Variants in CNR1 observed in about 807,000 individuals in gnomAD.
CNR1 encodes cannabinoid receptor 1, also known as cannabinoid receptor 1 (brain).
CNR1 carries 10 observed loss-of-function variants against 23.0 expected under a neutral mutation model. The ratio of observed to expected loss-of-function variants is 0.43; its 90% CI spans 0.27 to 0.74. The LOEUF (loss-of-function observed/expected upper bound fraction) is 0.74. CNR1 is among the 30% of genes least tolerant of loss of function. The pLI is 0.19. For synonymous variants in CNR1, 271 were observed against 255.2 expected (o/e 1.06, Z -0.59); for missense variants, 422 against 618.8 (o/e 0.68, Z 3.37).
intron 1 of CNR1, among the ~76,000 whole-genome samples, chr6:88,148,153 G>T (rs1381373855): frequency 3.3e-5 from 5 of 152,156 alleles, no homozygotes; most frequent in Non-Finnish European, 5.9e-5. Flanking sequence ...CCTCAGTGCT[G>T]TTGCTCCCAT....
Position 88,142,775 on chromosome 6 carries a change from A to T in CNR1, c.*1081T>A, listed in dbSNP as rs554062265. The T allele has an allele frequency of 6.6e-6, 1 of 152,670 alleles. No individual in the cohort carries two copies. The highest frequency in any genetic ancestry group is 2.1e-4 in the South Asian group (1 of 4,824). The allele number at this position is 152,670 out of a possible 1,614,324, so 9.5% of individuals were successfully genotyped here. Reference sequence around the variant, plus strand: ...GACAGAAACACACATACACACATTTATATTCACACTCACACACAGTATAAT... The same window carrying T: ...GACAGAAACACACATACACACATTTTTATTCACACTCACACACAGTATAAT... On this transcript the variant is annotated 3_prime_UTR_variant, in exon 2 of 2. Coordinates refer to ENST00000369501, the MANE Select transcript of CNR1 (RefSeq NM_016083.6).
At chr6:88,160,173 C>A (rs2127768425) in intron 1 of CNR1, among the ~76,000 whole-genome samples, 1 of 152,136 alleles carries the variant, frequency 6.6e-6, no homozygotes, top group African/African-American at 2.4e-5. Context: ...ACGAAAAATA[C>A]AAAAATTAGC....
Position 88,143,678 on chromosome 6 carries a change from A to G in CNR1, c.*178T>C, listed in dbSNP as rs1776957582. On this transcript the variant is annotated 3_prime_UTR_variant, in exon 2 of 2. Transcript: ENST00000369501. Reference sequence around the variant, plus strand: ...TTCACTGTAAACCCCTGGAGAATGGAGTTTGAGTACCTAAACTATGGAAAC... The same window carrying G: ...TTCACTGTAAACCCCTGGAGAATGGGGTTTGAGTACCTAAACTATGGAAAC... The G allele has an allele frequency of 1.7e-6, 1 of 599,252 alleles. No homozygotes were observed. The highest frequency in any genetic ancestry group is 3.0e-6 in the Non-Finnish European group (1 of 338,804). The allele number at this position is 599,252 out of a possible 1,614,324, so 37.1% of individuals were successfully genotyped here.
At chr6:88,166,797 G>GGGGAAT (rs1394644912), upstream of CNR1, among the ~76,000 whole-genome samples, 2 of 151,812 alleles carry the variant, frequency 1.3e-5, no homozygotes, top group Admixed American at 1.3e-4. Flanking sequence ...TGAGCCGGAA[G>GGGGAAT]GGGAAGGGGA....
At chr6:88,158,013 A>G (rs1777890463) in intron 1 of CNR1, among the ~76,000 whole-genome samples, 1 of 152,194 alleles carries the variant, frequency 6.6e-6, no homozygotes, top group Admixed American at 6.5e-5. Context: ...TTATTTTAAG[A>G]ACTAGGTACT....
chr6:88,144,383 G>A lies in CNR1; in HGVS notation c.892C>T (p.Leu298Phe). Residue 298 changes from leucine to phenylalanine, a missense_variant, in exon 2 of 2, where the codon CTC becomes TTC. By Grantham distance (22) the Leu-to-Phe change is conservative (BLOSUM62 0). This residue lies in a region of CNR1 where 211 missense variants were observed against 357.3 expected (regional missense o/e 0.59). Transcript: ENST00000369501. The surrounding 1 kb of genome is among the most constrained non-coding windows in gnomAD (Gnocchi z 7.8). ...ACGGCGTGGCTGTGAGCCTTCCAGA[G>A]AATATACATGTACGCATACACGATG... is the stretch of plus-strand genomic sequence containing the variant. ...LFIVYAYMYI[L>F]WKAHSHAVRM... 2 of 1,614,042 alleles carry A rather than the reference G, an allele frequency of 1.2e-6. No individual in the cohort carries two copies. Among genetic ancestry groups the A allele is most frequent in the South Asian group, 1.1e-5 (1 of 91,068 alleles).
chr6:88,165,945 G>A lies in CNR1; in HGVS notation c.-206C>T, dbSNP rs1434505312. 1.3e-5 allele frequency: 2 copies of A among 152,980 alleles called. No homozygotes were observed. Among genetic ancestry groups the A allele is most frequent in the Admixed American group, 6.5e-5 (1 of 15,296 alleles). 9.5% of individuals were successfully genotyped at this position (152,980 alleles called of 1,614,324 possible). On this transcript the variant is annotated 5_prime_UTR_variant, in exon 1 of 2. Transcript: ENST00000369501. ...AGCCGAGGCCCCCGCCCGGGCCAAGGGAAGGCGCTGGCGCCGCGGGAGACA... is the reference window on the plus strand; with the variant it reads ...AGCCGAGGCCCCCGCCCGGGCCAAGAGAAGGCGCTGGCGCCGCGGGAGACA...
At chr6:88,165,045 TTTC>T (rs1778299151) in intron 1 of CNR1, among the ~76,000 whole-genome samples, 1 of 151,856 alleles carries the variant, frequency 6.6e-6, no homozygotes. Context: ...TTACTAAACA[TTTC>T]TTTTGTTTTT....
chr6:88,166,884 C>T (rs1247097129), upstream of CNR1, among the ~76,000 whole-genome samples: 1 of 151,918 alleles, frequency 6.6e-6, no homozygotes, highest in Non-Finnish European at 1.5e-5. Flanking sequence ...AAGGCCGCTC[C>T]CGTGGCAGGC....
intron 1 of CNR1, among the ~76,000 whole-genome samples, chr6:88,153,624 A>G (rs1034461270): frequency 6.6e-6 from 1 of 152,202 alleles, no homozygotes; most frequent in Non-Finnish European, 1.5e-5. Context: ...AACCTTGTGA[A>G]GAGTTCAAGA....
At chr6:88,154,925 A>G (rs1293047208) in intron 1 of CNR1, among the ~76,000 whole-genome samples, 1 of 152,166 alleles carries the variant, frequency 6.6e-6, no homozygotes, top group East Asian at 1.9e-4. Flanking sequence ...AGAACATACA[A>G]AGTTTTCAAT....
intron 1 of CNR1, among the ~76,000 whole-genome samples, chr6:88,153,284 AGTT>A (rs1328413038): frequency 1.3e-5 from 2 of 152,110 alleles, no homozygotes; most frequent in South Asian, 2.1e-4. Flanking sequence ...TGCTGCATAA[AGTT>A]GTTGTTTTTT....
upstream of CNR1, among the ~76,000 whole-genome samples, chr6:88,166,577 TCTC>T (rs899778921): frequency 9.2e-5 from 14 of 151,786 alleles, no homozygotes; most frequent in South Asian, 1.9e-3. Flanking sequence ...GTCACCTACT[TCTC>T]CTCTTCCTCC....
intron 1 of CNR1, among the ~76,000 whole-genome samples, chr6:88,149,739 G>A (rs1303854541): frequency 1.6e-4 from 25 of 152,174 alleles, no homozygotes; most frequent in Admixed American, 1.6e-3. Context: ...CTGTGCCAAT[G>A]CTACTTCCAT....
upstream of CNR1, among the ~76,000 whole-genome samples, chr6:88,167,332 C>A (rs1010906546): frequency 2.6e-5 from 4 of 152,210 alleles, no homozygotes; most frequent in African/African-American, 9.6e-5. Context: ...TAATTGTTTC[C>A]ACTATCAGCC....
chr6:88,157,628 A>C (rs189742546), intron 1 of CNR1, among the ~76,000 whole-genome samples: 73 of 152,324 alleles, frequency 4.8e-4, no homozygotes, highest in African/African-American at 1.7e-3. Context: ...AGAAAAGGAA[A>C]GGAGTTCTAC....
intron 1 of CNR1, among the ~76,000 whole-genome samples, chr6:88,157,444 A>T (rs991316450): frequency 2.0e-5 from 3 of 152,234 alleles, no homozygotes; most frequent in Admixed American, 1.3e-4. Context: ...AATTAATTAA[A>T]ATACAAATAG....
chr6:88,166,568 T>C (rs1778378997), upstream of CNR1, among the ~76,000 whole-genome samples: 1 of 152,010 alleles, frequency 6.6e-6, no homozygotes, highest in Non-Finnish European at 1.5e-5. Context: ...TCGGCCCGCG[T>C]CACCTACTTC....
In CNR1 at chr6:88,145,055, C is replaced by T. The variant is rs1189891827; in HGVS notation, c.220G>A (p.Asp74Asn). ...AGDNPQLVPA[D>N]QVNITEFYNK... ...TAAAATTCTGTAATGTTCACCTGGT[C>T]TGCTGGGACTAGCTGGGGGTTGTCT... Residue 74 changes from aspartate (D) to asparagine (N), a missense_variant, in exon 2 of 2, where the codon GAC becomes AAC. This residue lies in a region of CNR1 where 120 missense variants were observed against 117.6 expected (regional missense o/e 1.02). Transcript: ENST00000369501. 1 of 1,614,188 alleles carries T rather than the reference C, an allele frequency of 6.2e-7. No individual in the cohort carries two copies. Among genetic ancestry groups the T allele is most frequent in the Non-Finnish European group, 8.5e-7 (1 of 1,180,040 alleles).
Sources: gnomAD v4.1 joint callset for allele counts (sites outside exome capture counted in the v4.1 genomes callset) on GRCh38, gnomAD v4.1.1 for gene constraint, gnomAD v4.1.1 regional missense constraint, Gnocchi (gnomAD v3.1) non-coding constraint, MANE v1.5 for transcripts, NCBI Gene and HGNC (gene_info 2026-07-23, HGNC 2026-07-21) for gene names.